CNTNAP2: variants seen among roughly 807,000 people sequenced by gnomAD.
The protein encoded by CNTNAP2 is contactin-associated protein-like 2.
Under a neutral mutation model 155.2 loss-of-function variants are expected in CNTNAP2, and 98 were observed. That is an observed-to-expected ratio of 0.63 (90% CI 0.54 to 0.75). CNTNAP2 has a LOEUF of 0.75. CNTNAP2 is among the 30% of genes least tolerant of loss of function. The pLI, the probability that CNTNAP2 is intolerant of heterozygous loss-of-function variation, is 0.00. For synonymous variants in CNTNAP2, 651 were observed against 631.2 expected (o/e 1.03, Z -0.47); for missense variants, 1,727 against 1,688.1 (o/e 1.02, Z -0.40).
intron 19 of CNTNAP2, among the ~76,000 whole-genome samples, chr7:148,227,495 G>A (rs1795874920): frequency 6.6e-6 from 1 of 152,186 alleles, no homozygotes. Context: ...GGCAGAAGAT[G>A]GTGCAGGTAA....
In CNTNAP2 at chr7:147,046,845, C is replaced by T. The variant is rs143583616; in HGVS notation, c.550+2791C>T. ...GAGATCGAGACCATCCTGGATAACA[C>T]GGTGAAACCCCGTCTCTACTAAAAA... is the stretch of plus-strand genomic sequence containing the variant. On this transcript the variant is annotated intron_variant, in intron 4 of 23. Coordinates refer to ENST00000361727, the MANE Select transcript of CNTNAP2 (RefSeq NM_014141.6). Among the ~76,000 whole-genome samples the T allele has an allele frequency of 1.9e-3, 289 of 151,842 alleles. 8 individuals carry two copies. In the East Asian group the frequency reaches 0.044, roughly 23 times the overall value.
At chr7:147,313,044 G>C in intron 9 of CNTNAP2, among the ~76,000 whole-genome samples, 1 of 132,334 alleles carries the variant, frequency 7.6e-6, no homozygotes, top group East Asian at 2.8e-4. Context: ...GTGTCTTTTG[G>C]CTGCATAAAT....
intron 1 of CNTNAP2, among the ~76,000 whole-genome samples, chr7:146,157,033 A>G (rs1798137654): frequency 6.6e-6 from 1 of 152,226 alleles, no homozygotes; most frequent in African/African-American, 2.4e-5. Context: ...GTAAAACTGG[A>G]AAGTGAATCA....
intron 13 of CNTNAP2, among the ~76,000 whole-genome samples, chr7:147,709,740 T>C (rs1434297238): frequency 3.3e-5 from 5 of 152,206 alleles, no homozygotes; most frequent in African/African-American, 1.2e-4. Context: ...TTCTACTTGA[T>C]GTCTGATTGC....
chr7:148,074,368 G>A (rs1196179227), intron 15 of CNTNAP2, among the ~76,000 whole-genome samples: 1 of 152,118 alleles, frequency 6.6e-6, no homozygotes, highest in Non-Finnish European at 1.5e-5. Flanking sequence ...TGATGAGGTG[G>A]GAGCCACAGA....
intron 11 of CNTNAP2, among the ~76,000 whole-genome samples, chr7:147,549,648 C>A (rs943339414): frequency 6.6e-6 from 1 of 152,140 alleles, no homozygotes; most frequent in African/African-American, 2.4e-5. Flanking sequence ...TATGGTAAGA[C>A]CAATGCCTCC....
rs376805330 is a variant in CNTNAP2 at position 146,370,207 on chromosome 7, A to T, written c.97+253234A>T. ...GAGGCCGGGGCAGGTGGATCACTTG[A>T]GGTCAGGAGTTCAAGACAAGCCTGG... On this transcript the variant is annotated intron_variant, in intron 1 of 23. Transcript: ENST00000361727. Among the ~76,000 whole-genome samples the T allele has an allele frequency of 4.3e-5, 6 of 141,120 alleles. No individual in the cohort carries two copies. In the South Asian group the frequency reaches 1.4e-3, roughly 34 times the overall value. The allele number at this position is 141,120 out of a possible 152,430, so 92.6% of individuals were successfully genotyped here. A position where few individuals can be genotyped will look rare whatever the true frequency, so the allele number is the denominator to read the frequency against.
At chr7:146,699,827 G>A (rs1225383284) in intron 1 of CNTNAP2, among the ~76,000 whole-genome samples, 1 of 152,030 alleles carries the variant, frequency 6.6e-6, no homozygotes, top group Non-Finnish European at 1.5e-5. Flanking sequence ...AATTAGCTGG[G>A]TGTGATGATA....
At chr7:147,086,627 C>T (rs1201025661) in intron 4 of CNTNAP2, among the ~76,000 whole-genome samples, 2 of 151,964 alleles carry the variant, frequency 1.3e-5, no homozygotes, top group East Asian at 1.9e-4. Flanking sequence ...TCTGTGGAGA[C>T]AGGGTCTCTC....
At chr7:146,200,695 G>A (rs1226785899) in intron 1 of CNTNAP2, among the ~76,000 whole-genome samples, 1 of 152,084 alleles carries the variant, frequency 6.6e-6, no homozygotes, top group Non-Finnish European at 1.5e-5. Context: ...ATATAGCCTA[G>A]GTGTCTAGTA....
chr7:148,385,512 C>T (rs1021673919), intron 22 of CNTNAP2, among the ~76,000 whole-genome samples: 15 of 152,124 alleles, frequency 9.9e-5, no homozygotes, highest in African/African-American at 3.6e-4. Context: ...GGAGTCCTTC[C>T]GCTGTCAAAG....
chr7:146,257,462 T>C (rs1799857411), intron 1 of CNTNAP2, among the ~76,000 whole-genome samples: 1 of 152,236 alleles, frequency 6.6e-6, no homozygotes. Context: ...TAGGTGTACT[T>C]GACTTTCCAT....
At chr7:146,504,013 A>T (rs866192111) in intron 1 of CNTNAP2, among the ~76,000 whole-genome samples, 1 of 152,222 alleles carries the variant, frequency 6.6e-6, no homozygotes, top group Middle Eastern at 3.2e-3. Context: ...GCTCACACAA[A>T]CAGGTTACAT....
intron 11 of CNTNAP2, among the ~76,000 whole-genome samples, chr7:147,507,393 C>T (rs372677293): frequency 6.6e-6 from 1 of 152,080 alleles, no homozygotes; most frequent in Non-Finnish European, 1.5e-5. Context: ...TCACCCGCTC[C>T]TCCCCACACC....
At chr7:146,297,652 A>T in intron 1 of CNTNAP2, among the ~76,000 whole-genome samples, 1 of 152,156 alleles carries the variant, frequency 6.6e-6, no homozygotes, top group South Asian at 2.1e-4. Flanking sequence ...GGTAATAACT[A>T]TCAGAGAGTT....
At chr7:146,425,509 C>A in intron 1 of CNTNAP2, among the ~76,000 whole-genome samples, 1 of 152,246 alleles carries the variant, frequency 6.6e-6, no homozygotes. Flanking sequence ...CCCTTCTCTA[C>A]CATCCATGTA....
At chr7:147,249,655 TCACA>T (rs1259107255) in intron 8 of CNTNAP2, among the ~76,000 whole-genome samples, 1 of 136,282 alleles carries the variant, frequency 7.3e-6, no homozygotes, top group Admixed American at 7.5e-5. Context: ...AATCTCTCTC[TCACA>T]CCACAGAAGA....
intron 13 of CNTNAP2, among the ~76,000 whole-genome samples, chr7:147,752,003 C>T (rs1797143764): frequency 6.6e-6 from 1 of 152,134 alleles, no homozygotes; most frequent in Non-Finnish European, 1.5e-5. Flanking sequence ...TTCTGATTAG[C>T]AATATGTCAT....
chr7:147,390,727 G>A (rs1796699002), intron 9 of CNTNAP2, among the ~76,000 whole-genome samples: 1 of 151,976 alleles, frequency 6.6e-6, no homozygotes, highest in African/African-American at 2.4e-5. Context: ...ATATCACCTT[G>A]TTACTACTGC....
Sources: gnomAD v4.1 joint callset for allele counts (sites outside exome capture counted in the v4.1 genomes callset) on GRCh38, gnomAD v4.1.1 for gene constraint, MANE v1.5 for transcripts, NCBI Gene and HGNC (gene_info 2026-07-23, HGNC 2026-07-21) for gene names.